The following CSMD3 variants were observed in gnomAD, a reference collection of about 807,000 sequenced individuals.
CSMD3 encodes the protein CUB and sushi domain-containing protein 3.
CSMD3 carries 177 observed loss-of-function variants against 435.2 expected under a neutral mutation model. The observed-to-expected ratio is 0.41, with a 90% CI of 0.36 to 0.46. CSMD3 has a LOEUF of 0.46. Among genes scored for constraint, CSMD3 ranks in the 20% least tolerant of loss-of-function variants. CSMD3 has a pLI of 0.34. For missense variants in CSMD3, 4,265 were observed against 4,504.6 expected (o/e 0.95, Z 1.52); for synonymous variants, 1,656 against 1,520.5 (o/e 1.09, Z -2.07).
intron 36 of CSMD3, among the ~76,000 whole-genome samples, chr8:112,385,715 T>C (rs183678872): frequency 6.1e-4 from 93 of 152,240 alleles, no homozygotes; most frequent in Admixed American, 1.9e-3. Flanking sequence ...GTGATTTGAA[T>C]AGGGGAGGAA....
chr8:112,927,337 C>G (rs2082943717), intron 9 of CSMD3, among the ~76,000 whole-genome samples: 1 of 152,092 alleles, frequency 6.6e-6, no homozygotes, highest in Admixed American at 6.6e-5. Flanking sequence ...TAGTTCTTCT[C>G]AAATTTGAAT....
chr8:113,414,684 G>A (rs2094574365), intron 1 of CSMD3, among the ~76,000 whole-genome samples: 1 of 150,968 alleles, frequency 6.6e-6, no homozygotes, highest in Admixed American at 6.6e-5. Context: ...GTACTGGGAG[G>A]GCACAGTGGC....
At chr8:112,421,478 A>G (rs977460753) in intron 32 of CSMD3, among the ~76,000 whole-genome samples, 3 of 151,242 alleles carry the variant, frequency 2.0e-5, no homozygotes, top group Admixed American at 6.6e-5. Flanking sequence ...CGGGAGCCAC[A>G]GGTTGTAGTG....
chr8:112,954,626 A>T (rs1006373906), intron 8 of CSMD3, 58 bp downstream of exon 8: 3 of 1,060,536 alleles, frequency 2.8e-6, no homozygotes, highest in Admixed American at 3.5e-5. Context: ...CAAACAACAC[A>T]GACACCACAA....
chr8:113,426,588 A>G (rs965442896), intron 1 of CSMD3, among the ~76,000 whole-genome samples: 1 of 151,464 alleles, frequency 6.6e-6, no homozygotes, highest in African/African-American at 2.4e-5. Context: ...ACACAGCTGT[A>G]AGTTTTATTA....
At chr8:112,702,108 G>A (rs906778374) in intron 13 of CSMD3, among the ~76,000 whole-genome samples, 2 of 152,058 alleles carry the variant, frequency 1.3e-5, no homozygotes, top group Admixed American at 6.6e-5. Flanking sequence ...TATCCCAAGT[G>A]TCTAAACACT....
intron 11 of CSMD3, among the ~76,000 whole-genome samples, chr8:112,850,993 A>AT (rs2080466932): frequency 6.6e-6 from 1 of 152,212 alleles, no homozygotes; most frequent in African/African-American, 2.4e-5. Context: ...TATTACTTTT[A>AT]TTTTTAATAT....
chr8:112,397,294 C>T (rs1830934328), intron 35 of CSMD3, among the ~76,000 whole-genome samples: 1 of 152,188 alleles, frequency 6.6e-6, no homozygotes, highest in Non-Finnish European at 1.5e-5. Context: ...TCTTCTGTCA[C>T]ATAGACCCCA....
At chr8:112,425,801 T>C (rs1258443273) in intron 32 of CSMD3, among the ~76,000 whole-genome samples, 1 of 152,130 alleles carries the variant, frequency 6.6e-6, no homozygotes, top group Admixed American at 6.6e-5. Flanking sequence ...ATTATTAAAC[T>C]CTGTGTGTGT....
chr8:112,905,852 C>T lies in CSMD3; in HGVS notation c.1633+15775G>A, dbSNP rs1053447141. 1.5e-4 allele frequency among the ~76,000 whole-genome samples: 22 copies of T among 151,466 alleles called. 1 individual carries two copies. Among genetic ancestry groups the T allele is most frequent in the African/African-American group, 4.6e-4 (19 of 41,412 alleles). On this transcript the variant is annotated intron_variant, in intron 10 of 70. Transcript: ENST00000297405. ...GTGAAAATGTGGCAAGCTGTATGGACTGAATGTTTGCATTCCTCCTAAATT... is the reference window on the plus strand; with the variant it reads ...GTGAAAATGTGGCAAGCTGTATGGATTGAATGTTTGCATTCCTCCTAAATT...
At chr8:112,493,955 A>G (rs924533096) in intron 30 of CSMD3, among the ~76,000 whole-genome samples, 3 of 152,140 alleles carry the variant, frequency 2.0e-5, no homozygotes, top group African/African-American at 7.2e-5. Context: ...GACAGTGGGT[A>G]TATCTCTGAA....
intron 31 of CSMD3, among the ~76,000 whole-genome samples, chr8:112,488,015 G>A (rs1820307532): frequency 6.6e-6 from 1 of 152,134 alleles, no homozygotes; most frequent in Non-Finnish European, 1.5e-5. Context: ...TGTAGGCACA[G>A]ATATGCTGTT....
intron 9 of CSMD3, among the ~76,000 whole-genome samples, chr8:112,926,667 A>G (rs949848442): frequency 2.0e-5 from 3 of 152,120 alleles, no homozygotes; most frequent in Non-Finnish European, 2.9e-5. Flanking sequence ...CACAAATTTT[A>G]CCTGTGTTGG....
At chr8:112,311,863 A>G (rs1822005360) in intron 49 of CSMD3, among the ~76,000 whole-genome samples, 1 of 152,174 alleles carries the variant, frequency 6.6e-6, no homozygotes, top group Non-Finnish European at 1.5e-5. Flanking sequence ...TCATCTGAGA[A>G]AAATGGGGCT....
At chr8:112,871,651 A>C in intron 10 of CSMD3, among the ~76,000 whole-genome samples, 1 of 152,132 alleles carries the variant, frequency 6.6e-6, no homozygotes, top group East Asian at 1.9e-4. Flanking sequence ...ACACACAGAA[A>C]AAAAACTCCA....
chr8:113,429,089 T>A (rs2094654160), intron 1 of CSMD3, among the ~76,000 whole-genome samples: 1 of 151,824 alleles, frequency 6.6e-6, no homozygotes, highest in Non-Finnish European at 1.5e-5. Flanking sequence ...AAGAGTAGAA[T>A]TTCTTAACTT....
intron 46 of CSMD3, among the ~76,000 whole-genome samples, chr8:112,319,520 T>C (rs564069990): frequency 6.6e-6 from 1 of 152,290 alleles, no homozygotes; most frequent in East Asian, 1.9e-4. Flanking sequence ...AAATGAAATA[T>C]GTCTTCTAAT....
rs78225476 is a variant in CSMD3, at chr8:113,399,473, C to T, written c.178+37204G>A. On this transcript the variant is annotated intron_variant, in intron 1 of 70. Coordinates refer to ENST00000297405, the MANE Select transcript of CSMD3 (RefSeq NM_198123.2). ...AAATGTTATTTGCCACAAGAAGATC[C>T]CAAAGTACTGATATATGCTGCAACA... is the stretch of plus-strand genomic sequence containing the variant. 7.4e-3 allele frequency among the ~76,000 whole-genome samples: 1,128 copies of T among 151,438 alleles called. 19 individuals are homozygous for T. Among genetic ancestry groups the T allele is most frequent in the African/African-American group, 0.026 (1,061 of 41,314 alleles).
chr8:113,159,916 A>G (rs1032771962), intron 4 of CSMD3, among the ~76,000 whole-genome samples: 8 of 151,934 alleles, frequency 5.3e-5, no homozygotes, highest in Non-Finnish European at 1.2e-4. Context: ...TCTGTTCACT[A>G]TCCACTCTGG....
Sources: allele counts gnomAD v4.1 joint callset (sites outside exome capture counted in the v4.1 genomes callset), GRCh38; gene constraint gnomAD v4.1.1; transcripts MANE v1.5; gene names NCBI Gene and HGNC (gene_info 2026-07-23, HGNC 2026-07-21).